Variants in TRDN observed in about 807,000 individuals in gnomAD.
TRDN encodes the protein triadin.
TRDN carries 161 observed loss-of-function variants against 149.7 expected under a neutral mutation model. That is an observed-to-expected ratio of 1.08 (90% CI 0.95 to 1.23). The LOEUF (loss-of-function observed/expected upper bound fraction) is 1.23, where lower values mean the gene tolerates loss of function less well. TRDN is among the 50% of genes most tolerant of loss of function. TRDN has a pLI of 0.00. For synonymous variants in TRDN, 294 were observed against 250.5 expected, an observed-to-expected ratio of 1.17 and a Z score of -1.64; for missense variants, 896 against 823.5, an observed-to-expected ratio of 1.09 and a Z score of -1.08.
intron 32 of TRDN, among the ~76,000 whole-genome samples, chr6:123,266,765 A>G (rs1777018853): frequency 7.8e-6 from 1 of 128,092 alleles, no homozygotes; most frequent in South Asian, 2.2e-4. Context: ...ATTATATATA[A>G]TATATATGAT....
At chr6:123,246,033 C>A (rs774352878) in intron 38 of TRDN, among the ~76,000 whole-genome samples, 1 of 151,956 alleles carries the variant, frequency 6.6e-6, no homozygotes, top group Admixed American at 6.6e-5. Context: ...AGTTCTTTGG[C>A]AGCAGTGAGA....
At chr6:123,622,998 A>G (rs1785475279) in intron 1 of TRDN, among the ~76,000 whole-genome samples, 2 of 152,062 alleles carry the variant, frequency 1.3e-5, no homozygotes, top group African/African-American at 4.8e-5. Context: ...TACCCATCAG[A>G]ACTGCTTCCA....
chr6:123,603,502 T>C (rs560984359), intron 1 of TRDN, among the ~76,000 whole-genome samples: 5 of 152,236 alleles, frequency 3.3e-5, no homozygotes, highest in African/African-American at 1.2e-4. Flanking sequence ...TAAAATGGGA[T>C]CAATTTATTT....
chr6:123,574,031 A>G (rs185513059), intron 1 of TRDN, among the ~76,000 whole-genome samples: 413 of 152,190 alleles, frequency 2.7e-3, no homozygotes, highest in Non-Finnish European at 3.8e-3. Context: ...ATGACTAATC[A>G]GGAAAGAAAA....
chr6:123,502,001 T>G, intron 8 of TRDN: 1 of 984,998 alleles, frequency 1.0e-6, no homozygotes, highest in Non-Finnish European at 1.2e-6. Flanking sequence ...AAAAATACAT[T>G]CACATTCCTA....
At chr6:123,476,039 G>A (rs1263206672) in intron 9 of TRDN, among the ~76,000 whole-genome samples, 4 of 134,718 alleles carry the variant, frequency 3.0e-5, no homozygotes, top group Non-Finnish European at 6.4e-5. Flanking sequence ...ATTCAACATA[G>A]TGTTGGAAGT....
At chr6:123,577,624 G>A (rs771930742) in intron 1 of TRDN, among the ~76,000 whole-genome samples, 3 of 152,022 alleles carry the variant, frequency 2.0e-5, no homozygotes, top group Admixed American at 6.6e-5. Flanking sequence ...GTGTCTTTAA[G>A]GTAGAATAAT....
In TRDN at chr6:123,503,907, TA is replaced by T; in HGVS notation, c.611-7del. ...AGTCTTAGCTTTCTTCTGTTCTGTATAAAGTTAAAAGATGTTGAAATACTTT... is the reference window on the plus strand; with the variant it reads ...AGTCTTAGCTTTCTTCTGTTCTGTATAAGTTAAAAGATGTTGAAATACTTT... On this transcript the variant is annotated splice_region_variant and splice_polypyrimidine_tract_variant and intron_variant, in intron 7 of 40. Coordinates refer to ENST00000334268, the MANE Select transcript of TRDN (RefSeq NM_006073.4). 6.5e-7 allele frequency: 1 copy of T among 1,541,754 alleles called. No homozygotes were observed. The highest frequency in any genetic ancestry group is 8.7e-7 in the Non-Finnish European group (1 of 1,145,890).
intron 8 of TRDN, among the ~76,000 whole-genome samples, chr6:123,499,826 A>C (rs560393824): frequency 6.7e-6 from 1 of 148,714 alleles, no homozygotes; most frequent in Non-Finnish European, 1.5e-5. Context: ...AATACAGTAT[A>C]ACCAGTATTT....
intron 4 of TRDN, among the ~76,000 whole-genome samples, chr6:123,534,537 A>G (rs1321266068): frequency 3.3e-5 from 5 of 152,118 alleles, no homozygotes; most frequent in Non-Finnish European, 7.3e-5. Flanking sequence ...ATTCAGTAAC[A>G]TGTTACTAAT....
intron 31 of TRDN, among the ~76,000 whole-genome samples, 162 bp downstream of exon 31, chr6:123,269,683 AATTT>A (rs1297463031): frequency 6.6e-6 from 1 of 152,026 alleles, no homozygotes; most frequent in African/African-American, 2.4e-5. Context: ...CAATAACATT[AATTT>A]ATCACTAACA....
At chr6:123,446,584 C>CAAAAAA (rs572029827) in intron 10 of TRDN, among the ~76,000 whole-genome samples, 92 of 60,958 alleles carry the variant, frequency 1.5e-3, no homozygotes, top group African/African-American at 2.2e-3. Flanking sequence ...GATTCCATCT[C>CAAAAAA]AAAAAAAAAA....
intron 24 of TRDN, among the ~76,000 whole-genome samples, chr6:123,292,049 G>A (rs923413306): frequency 6.6e-6 from 1 of 151,710 alleles, no homozygotes; most frequent in Non-Finnish European, 1.5e-5. Context: ...TTCTTAAGTT[G>A]CTTAGAAGGA....
chr6:123,485,081 C>A (rs1171581609), intron 9 of TRDN, among the ~76,000 whole-genome samples: 1 of 152,152 alleles, frequency 6.6e-6, no homozygotes, highest in Non-Finnish European at 1.5e-5. Context: ...TGAATAGCTT[C>A]CATAGACTTC....
intron 31 of TRDN, among the ~76,000 whole-genome samples, chr6:123,268,243 G>T (rs1777081695): frequency 6.6e-6 from 1 of 151,890 alleles, no homozygotes; most frequent in South Asian, 2.1e-4. Context: ...CTGTATTCCA[G>T]AGAGTGCCAC....
chr6:123,240,699 G>C (rs947821479), intron 38 of TRDN, among the ~76,000 whole-genome samples: 14 of 151,806 alleles, frequency 9.2e-5, no homozygotes, highest in Admixed American at 3.9e-4. Flanking sequence ...AATGTTTAAA[G>C]ACTTGTTCTA....
intron 9 of TRDN, among the ~76,000 whole-genome samples, chr6:123,480,051 A>G (rs1777672131): frequency 6.6e-6 from 1 of 152,120 alleles, no homozygotes; most frequent in African/African-American, 2.4e-5. Context: ...AACATTTTTT[A>G]TCAAAATAGA....
chr6:123,636,838 T>C lies in TRDN; in HGVS notation c.-63A>G. The C allele has an allele frequency of 8.7e-6, 14 of 1,604,782 alleles. No individual in the cohort carries two copies. Among genetic ancestry groups the C allele is most frequent in the Admixed American group, 1.7e-5 (1 of 59,730 alleles). ...CGTCAAGTTGCACTTTGCAGAGTATTTGGGGATTTGAGAACTCTGGTGGAG... is the reference window on the plus strand; with the variant it reads ...CGTCAAGTTGCACTTTGCAGAGTATCTGGGGATTTGAGAACTCTGGTGGAG... On this transcript the variant is annotated 5_prime_UTR_variant, in exon 1 of 41. Transcript: ENST00000334268.
intron 3 of TRDN, among the ~76,000 whole-genome samples, 179 bp from the exon 4 acceptor site, chr6:123,547,551 T>G (rs1253847630): frequency 6.6e-6 from 1 of 151,988 alleles, no homozygotes; most frequent in African/African-American, 2.4e-5. Flanking sequence ...TTATATACAT[T>G]TATATAAGAT....
Sources: gnomAD v4.1 joint callset for allele counts (sites outside exome capture counted in the v4.1 genomes callset) on GRCh38, gnomAD v4.1.1 for gene constraint, MANE v1.5 for transcripts, NCBI Gene and HGNC (gene_info 2026-07-23, HGNC 2026-07-21) for gene names.